The following NDST4 variants were observed in gnomAD, a reference collection of about 807,000 sequenced individuals.
The protein encoded by NDST4 is N-deacetylase and N-sulfotransferase 4.
A neutral mutation model predicts 100.8 loss-of-function variants in NDST4; 63 were observed. The ratio of observed to expected loss-of-function variants is 0.62; its 90% confidence interval spans 0.51 to 0.77. The LOEUF is 0.77. Among genes scored for constraint, NDST4 ranks in the 30% least tolerant of loss-of-function variants. The pLI is 0.00. For missense variants in NDST4, 943 were observed against 1,018.4 expected (o/e 0.93, Z 1.01); for synonymous variants, 377 against 361.8 (o/e 1.04, Z -0.48).
intron 4 of NDST4, among the ~76,000 whole-genome samples, chr4:114,943,817 A>G (rs1725803302): frequency 6.6e-6 from 1 of 152,166 alleles, no homozygotes; most frequent in Admixed American, 6.6e-5. Context: ...TAGTTTAATA[A>G]TATTAGGGGA....
intron 6 of NDST4, among the ~76,000 whole-genome samples, chr4:114,883,070 G>A (rs80096137): frequency 0.013 from 2,038 of 151,976 alleles, 51 homozygotes; most frequent in African/African-American, 0.046. Flanking sequence ...TTTGTCAGTG[G>A]ACTTGCCTTG....
chr4:115,003,572 A>T (rs1441945752), intron 2 of NDST4, among the ~76,000 whole-genome samples: 1 of 152,080 alleles, frequency 6.6e-6, no homozygotes, highest in Non-Finnish European at 1.5e-5. Flanking sequence ...TTCTTTTTTA[A>T]AAAAAGGGGT....
At chr4:114,944,983 G>T (rs1387890892) in intron 4 of NDST4, among the ~76,000 whole-genome samples, 3 of 152,032 alleles carry the variant, frequency 2.0e-5, no homozygotes, top group African/African-American at 7.2e-5. Flanking sequence ...GCCGAGGCAG[G>T]CGGATCATGT....
intron 5 of NDST4, among the ~76,000 whole-genome samples, chr4:114,936,924 G>A (rs1240641737): frequency 3.3e-5 from 5 of 152,160 alleles, no homozygotes; most frequent in Non-Finnish European, 7.4e-5. Flanking sequence ...ATAACAACTT[G>A]AGAGGTGTTT....
At chr4:114,914,377 A>C (rs1416718954) in intron 6 of NDST4, among the ~76,000 whole-genome samples, 1 of 152,142 alleles carries the variant, frequency 6.6e-6, no homozygotes, top group East Asian at 1.9e-4. Flanking sequence ...ACCCTATTTT[A>C]CATGATGTGA....
chr4:115,070,483 C>A (rs1351717440), intron 2 of NDST4, among the ~76,000 whole-genome samples: 1 of 152,052 alleles, frequency 6.6e-6, no homozygotes, highest in Non-Finnish European at 1.5e-5. Flanking sequence ...TATCTCTGAC[C>A]TAATTGATAG....
intron 4 of NDST4, among the ~76,000 whole-genome samples, chr4:114,941,034 C>T (rs569982191): frequency 1.1e-4 from 16 of 152,292 alleles, no homozygotes; most frequent in South Asian, 6.2e-4. Context: ...CACTTTGGGC[C>T]GCAGTCCCAG....
rs183182227 is a variant in NDST4 at position 115,029,550 on chromosome 4, G to A, written c.978+46509C>T. 3.9e-5 allele frequency among the ~76,000 whole-genome samples: 6 copies of A among 152,260 alleles called. No homozygotes were observed. In the East Asian group the frequency reaches 1.2e-3, roughly 30 times the overall value. ...CTTCTAATTTGACATCTAGGATAAA[G>A]TAGGGATTGGGAGAGAAAGGAAGGA... is the stretch of plus-strand genomic sequence containing the variant. On this transcript the variant is annotated intron_variant, in intron 2 of 13. Transcript: ENST00000264363.
intron 10 of NDST4, among the ~76,000 whole-genome samples, chr4:114,840,082 C>T (rs1380087515): frequency 1.3e-5 from 2 of 152,178 alleles, no homozygotes; most frequent in Non-Finnish European, 2.9e-5. Context: ...CCCTGTGTAT[C>T]AGGTGCTATG....
intron 6 of NDST4, among the ~76,000 whole-genome samples, chr4:114,892,773 A>C (rs146768601): frequency 3.2e-4 from 48 of 150,988 alleles, no homozygotes; most frequent in African/African-American, 1.1e-3. Flanking sequence ...GTCATAGTTT[A>C]TTTATTTATT....
chr4:114,859,525 C>A (rs867840204), intron 7 of NDST4, among the ~76,000 whole-genome samples: 1 of 152,190 alleles, frequency 6.6e-6, no homozygotes, highest in African/African-American at 2.4e-5. Context: ...CTTTTCTCCA[C>A]TGAATGCATC....
intron 1 of NDST4, among the ~76,000 whole-genome samples, chr4:115,107,311 T>C (rs1200422386): frequency 2.0e-5 from 3 of 152,162 alleles, no homozygotes; most frequent in Non-Finnish European, 4.4e-5. Context: ...ACTTCTATTT[T>C]CTAAAACTGA....
At chr4:114,967,375 C>T (rs922440177) in intron 4 of NDST4, among the ~76,000 whole-genome samples, 2 of 152,080 alleles carry the variant, frequency 1.3e-5, no homozygotes, top group African/African-American at 2.4e-5. Flanking sequence ...TTTCTAGCCA[C>T]GCTGACTAAA....
intron 1 of NDST4, among the ~76,000 whole-genome samples, chr4:115,082,272 G>A (rs1232193669): frequency 2.0e-5 from 3 of 152,072 alleles, no homozygotes; most frequent in Non-Finnish European, 4.4e-5. Context: ...TTATATATCT[G>A]TTATAAGATT....
intron 1 of NDST4, among the ~76,000 whole-genome samples, chr4:115,096,519 TCAAA>T (rs1729624155): frequency 2.0e-5 from 3 of 152,048 alleles, no homozygotes; most frequent in Admixed American, 1.3e-4. Flanking sequence ...TCATAAGCAC[TCAAA>T]CACTTATTCC....
At chr4:114,900,561 C>G (rs1018302840) in intron 6 of NDST4, among the ~76,000 whole-genome samples, 4 of 152,114 alleles carry the variant, frequency 2.6e-5, no homozygotes, top group African/African-American at 9.7e-5. Flanking sequence ...AAATACCAAC[C>G]ACTGTGTTAC....
chr4:115,064,353 C>T (rs1285653139), intron 2 of NDST4, among the ~76,000 whole-genome samples: 1 of 151,886 alleles, frequency 6.6e-6, no homozygotes, highest in South Asian at 2.1e-4. Flanking sequence ...GGCAGAACAA[C>T]TAAAAGTAAA....
At chr4:115,069,548 A>G (rs1729027581) in intron 2 of NDST4, among the ~76,000 whole-genome samples, 1 of 152,242 alleles carries the variant, frequency 6.6e-6, no homozygotes, top group African/African-American at 2.4e-5. Context: ...AAGCATATGG[A>G]AAAAACTGAA....
intron 2 of NDST4, among the ~76,000 whole-genome samples, chr4:114,979,049 C>T (rs374647623): frequency 6.6e-6 from 1 of 151,936 alleles, no homozygotes; most frequent in East Asian, 1.9e-4. Flanking sequence ...CCTCCAACAC[C>T]CATTGCTATT....
Sources: gnomAD v4.1 joint callset for allele counts (sites outside exome capture counted in the v4.1 genomes callset) on GRCh38, gnomAD v4.1.1 for gene constraint, MANE v1.5 for transcripts, NCBI Gene and HGNC (gene_info 2026-07-23, HGNC 2026-07-21) for gene names.